The following DNAI7 variants were observed in gnomAD, a reference collection of about 807,000 sequenced individuals.
The protein encoded by DNAI7 is cancer susceptibility 1.
A neutral mutation model predicts 86.6 loss-of-function variants in DNAI7; 78 were observed. The observed-to-expected ratio is 0.90, with a 90% CI of 0.75 to 1.09. The LOEUF (loss-of-function observed/expected upper bound fraction) is 1.09. DNAI7 is among the 50% of genes least tolerant of loss of function. DNAI7 has a pLI of 0.00. For synonymous variants in DNAI7, 274 were observed against 273.0 expected, an observed-to-expected ratio of 1.00 and a Z score of -0.04; for missense variants, 753 against 810.2, an observed-to-expected ratio of 0.93 and a Z score of 0.86.
At chr12:25,149,850 C>T (rs1945291080) in intron 6 of DNAI7, 76 bp from the exon 7 acceptor site, 2 of 842,472 alleles carry the variant, frequency 2.4e-6, no homozygotes, top group East Asian at 2.7e-5. Context: ...ATGTTTTATC[C>T]CTTTTGAATT....
chr12:25,114,628 G>T, intron 13 of DNAI7, 28 bp downstream of exon 13: 3 of 1,471,760 alleles, frequency 2.0e-6, no homozygotes, highest in Non-Finnish European at 2.9e-6. Context: ...TGATACGATA[G>T]TACATAACAG....
intron 1 of DNAI7, among the ~76,000 whole-genome samples, 185 bp from the exon 2 acceptor site, chr12:25,190,816 A>G (rs560935479): frequency 1.2e-3 from 181 of 152,312 alleles, no homozygotes; most frequent in African/African-American, 4.0e-3. Context: ...CTTTTTTAAA[A>G]AGAGTTCAGA....
At chr12:25,125,499 A>T (rs1208026825) in intron 9 of DNAI7, among the ~76,000 whole-genome samples, 2 of 152,142 alleles carry the variant, frequency 1.3e-5, no homozygotes, top group Non-Finnish European at 2.9e-5. Context: ...TTCCTTATAG[A>T]TGCTGGATAT....
chr12:25,123,150 A>G (rs1490573195), intron 10 of DNAI7, 61 bp downstream of exon 10: 1 of 1,102,498 alleles, frequency 9.1e-7, no homozygotes, highest in African/African-American at 1.6e-5. Context: ...ATGATCCTGT[A>G]TTTCTTCTGT....
intron 2 of DNAI7, among the ~76,000 whole-genome samples, chr12:25,177,824 C>T (rs7133721): frequency 0.015 from 2,214 of 152,264 alleles, 25 homozygotes; most frequent in Non-Finnish European, 0.022. Context: ...AGCACTTTTG[C>T]TCATCTAAAA....
intron 7 of DNAI7, among the ~76,000 whole-genome samples, 180 bp downstream of exon 7, chr12:25,149,448 T>C (rs567758866): frequency 9.2e-5 from 14 of 152,146 alleles, no homozygotes; most frequent in African/African-American, 3.4e-4. Flanking sequence ...ACAAAATAAA[T>C]TATGTTTAAA....
chr12:25,127,434 T>C (rs984072474), intron 9 of DNAI7, among the ~76,000 whole-genome samples: 4 of 152,322 alleles, frequency 2.6e-5, no homozygotes, highest in African/African-American at 9.6e-5. Context: ...GTTTTCCAAG[T>C]ATTTTTTTCT....
At chr12:25,173,145 A>C (rs1412727562) in intron 2 of DNAI7, among the ~76,000 whole-genome samples, 2 of 152,204 alleles carry the variant, frequency 1.3e-5, no homozygotes, top group Admixed American at 1.3e-4. Flanking sequence ...AGAAACAGTC[A>C]GCAGAGTAAA....
intron 2 of DNAI7, among the ~76,000 whole-genome samples, chr12:25,164,040 T>C (rs1947141597): frequency 6.6e-6 from 1 of 152,220 alleles, no homozygotes; most frequent in Admixed American, 6.5e-5. Context: ...TGTCTGACCA[T>C]GCAAGGACGC....
At chr12:25,113,244 C>T (rs548650455) in intron 13 of DNAI7, among the ~76,000 whole-genome samples, 14 of 152,000 alleles carry the variant, frequency 9.2e-5, no homozygotes, top group Non-Finnish European at 1.8e-4. Flanking sequence ...TTCTACGGCA[C>T]TCCATCTCCC....
chr12:25,140,181 G>A (rs192348012), intron 9 of DNAI7, among the ~76,000 whole-genome samples: 27 of 152,138 alleles, frequency 1.8e-4, no homozygotes, highest in Admixed American at 4.6e-4. Context: ...CATAGTACTG[G>A]AAGTCCTAGC....
rs540883245 is a variant in DNAI7, at chr12:25,166,121, C to T, written c.22-4924G>A. On this transcript the variant is annotated intron_variant, in intron 2 of 15. Transcript: ENST00000395987. ...CATTAAAACCTAATCACTCTTACCC[C>T]GCTCAATGCCAATATCCCATCCCAT... Among the ~76,000 whole-genome samples, 393 of 152,226 alleles carry T rather than the reference C, an allele frequency of 2.6e-3. 1 individual carries two copies. The highest frequency in any genetic ancestry group is 4.0e-3 in the Non-Finnish European group (270 of 68,016).
chr12:25,164,757 C>T (rs897434707), intron 2 of DNAI7, among the ~76,000 whole-genome samples: 4 of 152,050 alleles, frequency 2.6e-5, no homozygotes, highest in East Asian at 1.9e-4. Flanking sequence ...CCCCACGCGT[C>T]GCTGAGTCTT....
intron 2 of DNAI7, among the ~76,000 whole-genome samples, chr12:25,174,977 G>T (rs1948795842): frequency 6.6e-6 from 1 of 151,682 alleles, no homozygotes; most frequent in South Asian, 2.1e-4. Context: ...GTGGAAGGAG[G>T]GCAAGGGATA....
intron 2 of DNAI7, among the ~76,000 whole-genome samples, chr12:25,166,507 C>T (rs1187144715): frequency 2.0e-5 from 3 of 152,172 alleles, no homozygotes; most frequent in Admixed American, 6.5e-5. Flanking sequence ...GCTATACTGC[C>T]GCAAAGCTTC....
Position 25,167,122 on chromosome 12 carries a change from T to C in DNAI7, c.22-5925A>G, listed in dbSNP as rs200051000. 5.9e-5 allele frequency among the ~76,000 whole-genome samples: 9 copies of C among 152,160 alleles called. No homozygotes were observed. In the East Asian group the frequency reaches 1.7e-3, roughly 29 times the overall value. ...CTCACCCTGAACACATTTGGTCTAT[T>C]GATGGCAGTTTCACCAGGCCTAATC... On this transcript the variant is annotated intron_variant, in intron 2 of 15. Transcript: ENST00000395987.
chr12:25,107,895 T>C, downstream of DNAI7: 1 of 1,614,216 alleles, frequency 6.2e-7, no homozygotes, highest in Non-Finnish European at 8.5e-7. Flanking sequence ...GGCTCTCTAT[T>C]GCATTCATTG....
chr12:25,170,170 C>T (rs1368051061), intron 2 of DNAI7, among the ~76,000 whole-genome samples: 1 of 152,030 alleles, frequency 6.6e-6, no homozygotes, highest in East Asian at 1.9e-4. Flanking sequence ...GGGGGTGAAT[C>T]ACCTGAGGTC....
downstream of DNAI7, chr12:25,107,961 G>A: frequency 6.2e-7 from 1 of 1,614,140 alleles, no homozygotes; most frequent in Non-Finnish European, 8.5e-7. Context: ...AGAAGTCTGT[G>A]GATGCCGCTC....
Sources: gnomAD v4.1 joint callset for allele counts (sites outside exome capture counted in the v4.1 genomes callset) on GRCh38, gnomAD v4.1.1 for gene constraint, MANE v1.5 for transcripts, NCBI Gene and HGNC (gene_info 2026-07-23, HGNC 2026-07-21) for gene names.